The following ARFGEF2 variants were observed in gnomAD, a reference collection of about 807,000 sequenced individuals.
ARFGEF2 encodes the protein ARF guanine nucleotide exchange factor 2.
ARFGEF2 carries 74 observed loss-of-function variants against 219.9 expected under a neutral mutation model. The ratio of observed to expected loss-of-function variants is 0.34; its 90% CI spans 0.28 to 0.41. The LOEUF is 0.41. Among genes scored for constraint, ARFGEF2 ranks in the 10% least tolerant of loss-of-function variants. ARFGEF2 has a pLI of 1.00. For synonymous variants in ARFGEF2, 733 were observed against 799.2 expected, an observed-to-expected ratio of 0.92 and a Z score of 1.40; for missense variants, 1,743 against 2,218.3, an observed-to-expected ratio of 0.79 and a Z score of 4.30.
intron 1 of ARFGEF2, among the ~76,000 whole-genome samples, chr20:48,936,470 G>A (rs1254728541): frequency 2.7e-5 from 4 of 150,818 alleles, no homozygotes; most frequent in Non-Finnish European, 4.4e-5. Flanking sequence ...GCTGCCGGGC[G>A]GAGGGGCTCC....
At chr20:49,013,064 T>C (rs570625173) in intron 28 of ARFGEF2, among the ~76,000 whole-genome samples, 2 of 152,272 alleles carry the variant, frequency 1.3e-5, no homozygotes, top group South Asian at 4.1e-4. Context: ...AGTTAATTCA[T>C]CTATAACCTA....
At chr20:48,940,250 G>A (rs559272401) in intron 1 of ARFGEF2, among the ~76,000 whole-genome samples, 2 of 152,322 alleles carry the variant, frequency 1.3e-5, no homozygotes, top group Admixed American at 6.5e-5. Flanking sequence ...AGTCACACGT[G>A]CCTTAGCACA....
At chr20:48,997,807 G>A (rs1027413824) in intron 23 of ARFGEF2, among the ~76,000 whole-genome samples, 1 of 152,112 alleles carries the variant, frequency 6.6e-6, no homozygotes, top group Non-Finnish European at 1.5e-5. Context: ...TGGCTTTTAT[G>A]CCCAGTACTA....
rs759203695 is a variant in ARFGEF2 at position 49,017,239 on chromosome 20, TA to T, written c.4316-9del. On this transcript the variant is annotated splice_polypyrimidine_tract_variant and intron_variant, in intron 31 of 38. Coordinates refer to ENST00000371917, the MANE Select transcript of ARFGEF2 (RefSeq NM_006420.3). ...AGAAGTTTAATGATAGATACTGCTT[TA>T]TTTTACAGATAATGAACAGTTGGCG... The T allele has an allele frequency of 1.2e-6, 2 of 1,613,796 alleles. No homozygotes were observed. Among genetic ancestry groups the T allele is most frequent in the Non-Finnish European group, 1.7e-6 (2 of 1,179,916 alleles).
At chr20:48,996,094 C>T (rs1056965936) in intron 23 of ARFGEF2, among the ~76,000 whole-genome samples, 2 of 152,110 alleles carry the variant, frequency 1.3e-5, no homozygotes, top group African/African-American at 4.8e-5. Context: ...AAGAGTTTTT[C>T]GCTTATGTTG....
intron 9 of ARFGEF2, among the ~76,000 whole-genome samples, chr20:48,970,609 CT>C (rs1238091827): frequency 6.6e-6 from 1 of 151,666 alleles, no homozygotes; most frequent in African/African-American, 2.4e-5. Flanking sequence ...AAAACTCCGT[CT>C]CAAAAAAATA....
rs753609548 is a variant in ARFGEF2, at chr20:48,973,137, T to C, written c.1526-8T>C. The C allele has an allele frequency of 8.7e-6, 14 of 1,614,102 alleles. No individual in the cohort carries two copies. Among genetic ancestry groups the C allele is most frequent in the Non-Finnish European group, 1.1e-5 (13 of 1,179,946 alleles). On this transcript the variant is annotated splice_polypyrimidine_tract_variant and splice_region_variant and intron_variant, in intron 11 of 38. Coordinates refer to ENST00000371917, the MANE Select transcript of ARFGEF2 (RefSeq NM_006420.3). ...AGAATTTCTGATACTTGTATGTTAT[T>C]TTCCAAGATGCCCAGTGTGTTGTGG...
intron 8 of ARFGEF2, among the ~76,000 whole-genome samples, chr20:48,967,499 A>G (rs746872309): frequency 2.0e-5 from 3 of 152,190 alleles, no homozygotes; most frequent in Non-Finnish European, 4.4e-5. Context: ...GTGTAATAGC[A>G]TGCTTCTGTA....
At chr20:49,030,405 C>G (rs889798834) in intron 37 of ARFGEF2, among the ~76,000 whole-genome samples, 2 of 148,886 alleles carry the variant, frequency 1.3e-5, no homozygotes, top group African/African-American at 5.0e-5. Flanking sequence ...CGAGCTCTTC[C>G]TGCCTCAGCC....
In ARFGEF2 at chr20:48,950,811, A is replaced by T. The variant is rs6095376; in HGVS notation, c.277-512A>T. ...ACCCTGTCTAAAAAAAAAAAAAAAA[A>T]ATATATATATATATATATATATATA... is the stretch of plus-strand genomic sequence containing the variant. On this transcript the variant is annotated intron_variant, in intron 3 of 38. Coordinates refer to ENST00000371917, the MANE Select transcript of ARFGEF2 (RefSeq NM_006420.3). 9.8e-3 allele frequency among the ~76,000 whole-genome samples: 633 copies of T among 64,308 alleles called. 7 individuals carry two copies. The highest frequency in any genetic ancestry group is 0.012 in the Non-Finnish European group (456 of 38,336). 42.2% of individuals were successfully genotyped at this position (64,308 alleles called of 152,430 possible). A position where few individuals can be genotyped will look rare whatever the true frequency, so the allele number is the denominator to read the frequency against.
At chr20:49,011,055 G>T (rs966114778) in intron 27 of ARFGEF2, among the ~76,000 whole-genome samples, 1 of 152,166 alleles carries the variant, frequency 6.6e-6, no homozygotes, top group African/African-American at 2.4e-5. Context: ...GCTGAATGCT[G>T]GGTAGTATTC....
At chr20:48,995,931 G>C in intron 23 of ARFGEF2, 49 bp downstream of exon 23, 2 of 1,526,728 alleles carry the variant, frequency 1.3e-6, no homozygotes, top group Non-Finnish European at 1.8e-6. Flanking sequence ...TGGTTTGGTG[G>C]CCTCTCTGTA....
At chr20:49,020,076 G>T (rs1341168544) in intron 34 of ARFGEF2, among the ~76,000 whole-genome samples, 1 of 152,202 alleles carries the variant, frequency 6.6e-6, no homozygotes, top group Admixed American at 6.5e-5. Flanking sequence ...GGGAACTGGG[G>T]CTTAGACAGA....
rs1468708775 is a variant in ARFGEF2, at chr20:48,984,836, A to C, written c.2066A>C (p.Asp689Ala). 4 of 1,612,324 alleles carry C rather than the reference A, an allele frequency of 2.5e-6. No homozygotes were observed. The highest frequency in any genetic ancestry group is 2.7e-5 in the African/African-American group (2 of 74,844). ...TTCCTGCACCAGGAGGAGCGCCTGG[A>C]TTCCGTAAGGCTTGGGGGTGTAGCA... is the stretch of plus-strand genomic sequence containing the variant. ...AQFLHQEERL[D>A]STQVGDFLGD... is the part of the protein sequence containing the mutation. The change falls in exon 15 of 39, where the codon GAT (aspartate) becomes GCT (alanine). Residue 689 changes from aspartate (D) to alanine (A), a missense_variant. Coordinates refer to ENST00000371917, the MANE Select transcript of ARFGEF2 (RefSeq NM_006420.3).
chr20:48,959,421 CTCCCTTCT>C (rs2091126174), intron 6 of ARFGEF2, among the ~76,000 whole-genome samples: 3 of 122,368 alleles, frequency 2.5e-5, no homozygotes, highest in Non-Finnish European at 5.3e-5. Flanking sequence ...CCCTCCCTCC[CTCCCTTCT>C]TCCTTCCCTC....
Position 48,973,247 on chromosome 20 carries a change from G to C in ARFGEF2, c.1628G>C (p.Gly543Ala). The C allele has an allele frequency of 6.2e-7, 1 of 1,614,168 alleles. No individual in the cohort carries two copies. The stretch of plus-strand genomic sequence containing the variant: ...AATGATTTATCCAAAATTGCTCAGG[G>C]AAGAAGTGGACATGAGCTGGGAATG... Reference protein sequence around the residue: ...LVNDLSKIAQGRSGHELGMTP... With the variant: ...LVNDLSKIAQARSGHELGMTP... Residue 543 changes from glycine (G) to alanine (A), a missense_variant, in exon 12 of 39, where the codon GGA becomes GCA. Transcript: ENST00000371917.
chr20:48,984,959 T>G lies in ARFGEF2; in HGVS notation c.2070+119T>G. ...ACATTGTCTGTTGTCCACCCCCGGG[T>G]TATACATTGTCTATTGTCCACCCCC... On this transcript the variant is annotated intron_variant, in intron 15 of 38. Transcript: ENST00000371917. The G allele has an allele frequency of 1.9e-6, 3 of 1,550,350 alleles. No homozygotes were observed. In the South Asian group the frequency reaches 3.5e-5, roughly 18 times the overall value.
chr20:49,027,160 C>T (rs575769320), intron 36 of ARFGEF2, among the ~76,000 whole-genome samples: 29 of 151,954 alleles, frequency 1.9e-4, no homozygotes, highest in Non-Finnish European at 3.8e-4. Flanking sequence ...TCTTGGCTCA[C>T]TGCAACCTCT....
intron 19 of ARFGEF2, 60 bp downstream of exon 19, chr20:48,989,496 G>T: frequency 6.2e-7 from 1 of 1,614,216 alleles, no homozygotes; most frequent in Non-Finnish European, 8.5e-7. Flanking sequence ...GCTGGCCAGC[G>T]AGAAGTACTC....
Sources: allele counts gnomAD v4.1 joint callset (sites outside exome capture counted in the v4.1 genomes callset), GRCh38; gene constraint gnomAD v4.1.1; transcripts MANE v1.5; gene names NCBI Gene and HGNC (gene_info 2026-07-23, HGNC 2026-07-21).